The following CSMD1 variants were observed in gnomAD, a reference collection of about 807,000 sequenced individuals.
The protein encoded by CSMD1 is CUB and sushi domain-containing protein 1.
Under a neutral mutation model 417.5 loss-of-function variants are expected in CSMD1, and 213 were observed. The ratio of observed to expected loss-of-function variants is 0.51; its 90% CI spans 0.46 to 0.57. CSMD1 has a LOEUF of 0.57. CSMD1 is among the 20% of genes least tolerant of loss of function. The pLI, the probability that CSMD1 is intolerant of heterozygous loss-of-function variation, is 0.00. For missense variants in CSMD1, 6,923 were observed against 4,529.7 expected (o/e 1.53, Z -15.17); for synonymous variants, 2,862 against 1,736.8 (o/e 1.65, Z -16.11).
At chr8:3,840,491 T>A (rs775998403) in intron 5 of CSMD1, among the ~76,000 whole-genome samples, 2 of 152,104 alleles carry the variant, frequency 1.3e-5, no homozygotes, top group Non-Finnish European at 2.9e-5. Flanking sequence ...AATCATTGAC[T>A]GAATAAAAAA....
intron 5 of CSMD1, among the ~76,000 whole-genome samples, chr8:3,939,176 G>A (rs2627526): frequency 4.6e-5 from 7 of 151,840 alleles, no homozygotes; most frequent in African/African-American, 1.7e-4. Context: ...GTTTCTGAGT[G>A]ACAGACTGTA....
intron 3 of CSMD1, among the ~76,000 whole-genome samples, chr8:4,367,023 T>C (rs1018677708): frequency 6.6e-6 from 1 of 152,232 alleles, no homozygotes; most frequent in African/African-American, 2.4e-5. Context: ...ATAACTTCTT[T>C]TGCTGTGCAG....
intron 10 of CSMD1, among the ~76,000 whole-genome samples, chr8:3,509,189 G>A (rs1402739257): frequency 6.6e-6 from 1 of 152,138 alleles, no homozygotes; most frequent in South Asian, 2.1e-4. Flanking sequence ...AAAGTGATTG[G>A]TTTCGGAAAT....
chr8:4,288,356 C>G lies in CSMD1; in HGVS notation c.415+131597G>C, dbSNP rs554072046. ...CACCCTTCAATTTTCTTAAGCAAAC[C>G]TTAATGATTCCAGAGAGGCTATCTT... On this transcript the variant is annotated intron_variant, in intron 3 of 69. Coordinates refer to ENST00000635120, the MANE Select transcript of CSMD1 (RefSeq NM_033225.6). 2.0e-3 allele frequency among the ~76,000 whole-genome samples: 310 copies of G among 152,236 alleles called. 3 individuals are homozygous for G. The highest frequency in any genetic ancestry group is 7.0e-3 in the African/African-American group (290 of 41,526).
At chr8:3,960,733 A>G (rs1264945971) in intron 5 of CSMD1, among the ~76,000 whole-genome samples, 1 of 151,944 alleles carries the variant, frequency 6.6e-6, no homozygotes, top group Non-Finnish European at 1.5e-5. Context: ...AATTTAATTC[A>G]TTTTTATAAT....
chr8:3,037,591 C>G (rs1750667453), intron 50 of CSMD1, among the ~76,000 whole-genome samples: 1 of 152,152 alleles, frequency 6.6e-6, no homozygotes, highest in South Asian at 2.1e-4. Flanking sequence ...AGAGTGACTT[C>G]TCTTCTTTTG....
At chr8:3,795,922 ATC>A (rs1800066630) in intron 5 of CSMD1, among the ~76,000 whole-genome samples, 1 of 61,614 alleles carries the variant, frequency 1.6e-5, no homozygotes, top group Non-Finnish European at 3.6e-5. Flanking sequence ...AGATATAGAT[ATC>A]TATCATGTAC....
intron 3 of CSMD1, among the ~76,000 whole-genome samples, chr8:4,312,090 C>A (rs952559016): frequency 9.2e-5 from 14 of 151,930 alleles, no homozygotes; most frequent in Non-Finnish European, 5.9e-5. Context: ...TGTCAATTTC[C>A]AGGAGTTAAA....
intron 2 of CSMD1, among the ~76,000 whole-genome samples, chr8:4,488,671 A>C (rs1043784062): frequency 1.3e-5 from 2 of 149,796 alleles, no homozygotes; most frequent in Admixed American, 6.8e-5. Context: ...AAAGAATTAC[A>C]TAATCATGGC....
intron 1 of CSMD1, among the ~76,000 whole-genome samples, chr8:4,708,307 G>T (rs1014060656): frequency 6.6e-6 from 1 of 152,116 alleles, no homozygotes; most frequent in Non-Finnish European, 1.5e-5. Flanking sequence ...ACATAGACAT[G>T]CATTTTCTCT....
intron 1 of CSMD1, among the ~76,000 whole-genome samples, chr8:4,857,742 T>C (rs1256570897): frequency 1.3e-5 from 2 of 151,778 alleles, no homozygotes; most frequent in African/African-American, 2.4e-5. Flanking sequence ...AATAGACCAA[T>C]AACAGGATCT....
chr8:4,172,494 A>G (rs987608672), intron 3 of CSMD1, among the ~76,000 whole-genome samples: 1 of 152,182 alleles, frequency 6.6e-6, no homozygotes. Flanking sequence ...CAATTAAAAA[A>G]AAAAACTGAA....
intron 1 of CSMD1, among the ~76,000 whole-genome samples, chr8:4,988,348 C>T (rs1178572495): frequency 1.3e-5 from 2 of 152,144 alleles, no homozygotes; most frequent in Non-Finnish European, 2.9e-5. Flanking sequence ...ATTCCTTTCC[C>T]TTTTATAACT....
chr8:4,761,586 G>A lies in CSMD1; in HGVS notation c.86-124028C>T, dbSNP rs574917044. On this transcript the variant is annotated intron_variant, in intron 1 of 69. Coordinates refer to ENST00000635120, the MANE Select transcript of CSMD1 (RefSeq NM_033225.6). ...TTCCTTATGTTAACATAGCTGCGAT[G>A]GTTACCTCTTATTATAAACCATTTA... is the stretch of plus-strand genomic sequence containing the variant. 3.3e-5 allele frequency among the ~76,000 whole-genome samples: 5 copies of A among 152,024 alleles called. No homozygotes were observed. The South Asian group carries it at 1.0e-3, about 32-fold the overall frequency.
At chr8:3,781,429 G>C (rs188477565) in intron 5 of CSMD1, among the ~76,000 whole-genome samples, 1 of 152,306 alleles carries the variant, frequency 6.6e-6, no homozygotes, top group Non-Finnish European at 1.5e-5. Flanking sequence ...GAGCAGCACA[G>C]TCTGGGGGGT....
chr8:3,717,335 G>A (rs1364197943), intron 6 of CSMD1, among the ~76,000 whole-genome samples: 1 of 152,068 alleles, frequency 6.6e-6, no homozygotes, highest in Non-Finnish European at 1.5e-5. Flanking sequence ...GTTTAAATAT[G>A]ATTAAACATC....
At chr8:3,775,010 C>T (rs13264501) in intron 5 of CSMD1, among the ~76,000 whole-genome samples, 2 of 151,828 alleles carry the variant, frequency 1.3e-5, no homozygotes, top group East Asian at 3.9e-4. Context: ...CCGGCAGGAC[C>T]AAGCAGGATA....
chr8:3,741,195 C>T (rs1002930177), intron 6 of CSMD1, among the ~76,000 whole-genome samples: 5 of 106,578 alleles, frequency 4.7e-5, no homozygotes, highest in African/African-American at 1.9e-4. Context: ...GCCCGGGCAA[C>T]AGAGCAAGAC....
chr8:3,540,433 A>C (rs1798389178), intron 10 of CSMD1, among the ~76,000 whole-genome samples: 1 of 152,226 alleles, frequency 6.6e-6, no homozygotes, highest in Non-Finnish European at 1.5e-5. Context: ...AAAACCCTAG[A>C]ATAAAATCAA....
Sources: allele counts gnomAD v4.1 joint callset (sites outside exome capture counted in the v4.1 genomes callset), GRCh38; gene constraint gnomAD v4.1.1; transcripts MANE v1.5; gene names NCBI Gene and HGNC (gene_info 2026-07-23, HGNC 2026-07-21).